PTPRD: variants seen among roughly 807,000 people sequenced by gnomAD.
PTPRD encodes protein tyrosine phosphatase receptor type D, also known as receptor-type tyrosine-protein phosphatase delta.
Under a neutral mutation model 214.5 loss-of-function variants are expected in PTPRD, and 34 were observed. That is an observed-to-expected ratio of 0.16 (90% CI 0.12 to 0.21). PTPRD has a LOEUF of 0.21. Ranked by LOEUF, PTPRD falls within the 10% of genes least tolerant of loss-of-function variation. PTPRD has a pLI of 1.00. For missense variants in PTPRD, 2,545 were observed against 2,398.7 expected (o/e 1.06, Z -1.27); for synonymous variants, 1,128 against 845.7 (o/e 1.33, Z -5.79).
chr9:9,215,250 C>G (rs2099951384), intron 9 of PTPRD, among the ~76,000 whole-genome samples: 2 of 152,088 alleles, frequency 1.3e-5, no homozygotes, highest in Admixed American at 1.3e-4. Flanking sequence ...AGAAGTCACG[C>G]CTGAGAGTAG....
intron 9 of PTPRD, among the ~76,000 whole-genome samples, chr9:9,276,167 G>C (rs1945555649): frequency 6.6e-6 from 1 of 151,184 alleles, no homozygotes; most frequent in South Asian, 2.1e-4. Context: ...TAATTTCATT[G>C]GGGACATTCA....
At chr9:10,526,440 T>A (rs1469108569) in intron 2 of PTPRD, among the ~76,000 whole-genome samples, 2 of 152,090 alleles carry the variant, frequency 1.3e-5, no homozygotes, top group Admixed American at 1.3e-4. Context: ...AATTTCATCT[T>A]ATAAGGAAAA....
intron 11 of PTPRD, chr9:8,860,875 C>T (rs1187937645): frequency 1.3e-5 from 2 of 152,190 alleles, no homozygotes; most frequent in Non-Finnish European, 2.9e-5. Flanking sequence ...CAGTGCCCTC[C>T]ATCCCACCAG....
In PTPRD at chr9:9,992,864, G is replaced by A. The variant is rs374807572; in HGVS notation, c.-472+40854C>T. ...AACCCAATGTAAATGACGAGTTAAC[G>A]GGTGCAGCACACCAACATGGCACAT... On this transcript the variant is annotated intron_variant, in intron 4 of 45. Coordinates refer to ENST00000381196, the MANE Select transcript of PTPRD (RefSeq NM_002839.4). Among the ~76,000 whole-genome samples, 16 of 152,066 alleles carry A rather than the reference G, an allele frequency of 1.1e-4. 1 individual carries two copies. Among genetic ancestry groups the A allele is most frequent in the South Asian group, 2.1e-4 (1 of 4,808 alleles).
chr9:9,115,470 A>T (rs2099811512), intron 10 of PTPRD, among the ~76,000 whole-genome samples: 1 of 152,186 alleles, frequency 6.6e-6, no homozygotes, highest in Non-Finnish European at 1.5e-5. Flanking sequence ...ACTAAAAAGT[A>T]AAAAACAATA....
chr9:10,314,156 T>A (rs1314882419), intron 3 of PTPRD, among the ~76,000 whole-genome samples: 2 of 151,960 alleles, frequency 1.3e-5, no homozygotes, highest in East Asian at 3.9e-4. Context: ...CAGTCAGTTA[T>A]TCTGTAGAAA....
chr9:9,333,504 T>TTTTATATATATATA lies in PTPRD; in HGVS notation c.-203+63944_-203+63945insTATATATATATAAA, dbSNP rs544075539. On this transcript the variant is annotated intron_variant, in intron 9 of 45. Coordinates refer to ENST00000381196, the MANE Select transcript of PTPRD (RefSeq NM_002839.4). ...TAAAACATATATATTATATAGTATA[T>TTTTATATATATATA]TATATATATATATATATATATAAAG... Among the ~76,000 whole-genome samples the TTTTATATATATATA allele has an allele frequency of 6.8e-4, 93 of 137,226 alleles. 2 individuals carry two copies. The highest frequency in any genetic ancestry group is 2.4e-3 in the African/African-American group (82 of 34,284). The allele number at this position is 137,226 out of a possible 152,430, so 90.0% of individuals were successfully genotyped here.
At chr9:8,696,299 A>T (rs970177243) in intron 12 of PTPRD, among the ~76,000 whole-genome samples, 1 of 152,222 alleles carries the variant, frequency 6.6e-6, no homozygotes, top group Admixed American at 6.5e-5. Context: ...GAAGGAGTAA[A>T]TCATCTTCAG....
At chr9:8,379,547 A>AT (rs1320259100) in intron 37 of PTPRD, among the ~76,000 whole-genome samples, 1 of 152,114 alleles carries the variant, frequency 6.6e-6, no homozygotes, top group African/African-American at 2.4e-5. Context: ...CAATAGAGAT[A>AT]TTTTTTCTTT....
intron 3 of PTPRD, among the ~76,000 whole-genome samples, chr9:10,207,058 T>C (rs1319859490): frequency 6.6e-6 from 1 of 152,098 alleles, no homozygotes; most frequent in Non-Finnish European, 1.5e-5. Flanking sequence ...TTTATTGTAT[T>C]CATCATCTAT....
chr9:8,737,562 G>A (rs990590076), intron 11 of PTPRD, among the ~76,000 whole-genome samples: 1 of 151,206 alleles, frequency 6.6e-6, no homozygotes, highest in African/African-American at 2.4e-5. Flanking sequence ...GATATTAAAA[G>A]TACCACGTTT....
chr9:8,770,780 A>T (rs763982996), intron 11 of PTPRD, among the ~76,000 whole-genome samples: 2 of 151,902 alleles, frequency 1.3e-5, no homozygotes, highest in Non-Finnish European at 2.9e-5. Context: ...AACGTCAAAT[A>T]TTCAAACTCA....
chr9:9,515,854 G>T (rs1050583714), intron 8 of PTPRD, among the ~76,000 whole-genome samples: 1 of 151,838 alleles, frequency 6.6e-6, no homozygotes, highest in Non-Finnish European at 1.5e-5. Flanking sequence ...TGGTAATTAA[G>T]CAATAAAAAA....
chr9:10,288,831 G>T (rs2095442264), intron 3 of PTPRD, among the ~76,000 whole-genome samples: 1 of 151,968 alleles, frequency 6.6e-6, no homozygotes, highest in Non-Finnish European at 1.5e-5. Context: ...TTTTTGAAGG[G>T]TTTATTTCAG....
At chr9:9,233,979 GC>G (rs2099964866) in intron 9 of PTPRD, among the ~76,000 whole-genome samples, 2 of 152,234 alleles carry the variant, frequency 1.3e-5, no homozygotes, top group African/African-American at 4.8e-5. Context: ...GAGGATGATG[GC>G]CCTTTTTTTC....
intron 10 of PTPRD, among the ~76,000 whole-genome samples, chr9:9,180,100 T>C (rs1403046405): frequency 6.6e-6 from 1 of 151,960 alleles, no homozygotes; most frequent in Non-Finnish European, 1.5e-5. Context: ...TTACTGGATA[T>C]ATACCCAAAG....
chr9:9,171,635 C>T (rs10816057), intron 10 of PTPRD, among the ~76,000 whole-genome samples: 24,110 of 151,530 alleles, frequency 0.16, 2,470 homozygotes, highest in Admixed American at 0.27. Flanking sequence ...ATTCTATGGG[C>T]GTATTTTCTA....
At chr9:8,362,004 T>G (rs1018823439) in intron 39 of PTPRD, among the ~76,000 whole-genome samples, 1 of 152,208 alleles carries the variant, frequency 6.6e-6, no homozygotes, top group African/African-American at 2.4e-5. Flanking sequence ...ACCATGTGAC[T>G]TGATGAGATT....
intron 11 of PTPRD, among the ~76,000 whole-genome samples, chr9:8,799,835 C>G (rs115743168): frequency 0.015 from 2,263 of 152,096 alleles, 63 homozygotes; most frequent in African/African-American, 0.052. Flanking sequence ...TTTTGATCTC[C>G]CAACTCCCCC....
Sources: gnomAD v4.1 joint callset for allele counts (sites outside exome capture counted in the v4.1 genomes callset) on GRCh38, gnomAD v4.1.1 for gene constraint, MANE v1.5 for transcripts, NCBI Gene and HGNC (gene_info 2026-07-23, HGNC 2026-07-21) for gene names.